DISC1: variants seen among roughly 807,000 people sequenced by gnomAD.
DISC1 encodes the protein disrupted in schizophrenia 1 protein.
Under a neutral mutation model 84.5 loss-of-function variants are expected in DISC1, and 57 were observed. The ratio of observed to expected loss-of-function variants is 0.67; its 90% CI spans 0.55 to 0.84. The LOEUF is 0.84. Ranked by LOEUF, DISC1 falls within the 40% of genes least tolerant of loss-of-function variation. DISC1 has a pLI of 0.00. For missense variants in DISC1, 1,000 were observed against 1,057.8 expected, an observed-to-expected ratio of 0.95 and a Z score of 0.76; for synonymous variants, 411 against 415.2, an observed-to-expected ratio of 0.99 and a Z score of 0.12.
At chr1:231,748,535 T>C (rs1276386865) in intron 3 of DISC1, among the ~76,000 whole-genome samples, 1 of 152,228 alleles carries the variant, frequency 6.6e-6, no homozygotes, top group African/African-American at 2.4e-5. Context: ...ATGAGATGTA[T>C]GATGTTTATT....
intron 1 of DISC1, among the ~76,000 whole-genome samples, chr1:231,645,931 C>T (rs1002279564): frequency 2.0e-5 from 3 of 150,214 alleles, no homozygotes; most frequent in African/African-American, 7.4e-5. Flanking sequence ...ACAATACTCA[C>T]TTTCAACAAT....
rs147244736 is a variant in DISC1, at chr1:231,698,421, T to A, written c.1048-3534T>A. Among the ~76,000 whole-genome samples, 53 of 152,060 alleles carry A rather than the reference T, an allele frequency of 3.5e-4. 1 individual carries two copies. The East Asian group carries it at 9.7e-3, about 28-fold the overall frequency. On this transcript the variant is annotated intron_variant, in intron 2 of 12. Coordinates refer to ENST00000439617, the MANE Select transcript of DISC1 (RefSeq NM_018662.3). This position sits in a 1 kb window ranked among gnomAD's most constrained non-coding sequence, Gnocchi z 4.9. ...GACCAGGCATGCAGAGGAGGGGAAG[T>A]GGAGTGGGCCCTGCAAGGTAGGCTC...
intron 12 of DISC1, among the ~76,000 whole-genome samples, chr1:232,027,648 T>C (rs1434808004): frequency 3.3e-5 from 5 of 152,250 alleles, no homozygotes; most frequent in Non-Finnish European, 5.9e-5. Context: ...CTTCTCTAGC[T>C]AAAAACACTT....
In DISC1 at chr1:231,904,551, T is replaced by C. The variant is rs140680584; in HGVS notation, c.1982-54277T>C. Among the ~76,000 whole-genome samples, 231 of 152,282 alleles carry C rather than the reference T, an allele frequency of 1.5e-3. 1 individual carries two copies. Among genetic ancestry groups the C allele is most frequent in the African/African-American group, 5.2e-3 (217 of 41,562 alleles). On this transcript the variant is annotated intron_variant, in intron 9 of 12. Coordinates refer to ENST00000439617, the MANE Select transcript of DISC1 (RefSeq NM_018662.3). Reference sequence around the variant, plus strand: ...TAAAACTGGAGTATTGCTGTGAACCTAAATACACAGATAGATACAGGAATA... The same window carrying C: ...TAAAACTGGAGTATTGCTGTGAACCCAAATACACAGATAGATACAGGAATA...
At chr1:231,994,015 G>A (rs969712711) in intron 10 of DISC1, among the ~76,000 whole-genome samples, 3 of 152,226 alleles carry the variant, frequency 2.0e-5, no homozygotes, top group Non-Finnish European at 4.4e-5. Flanking sequence ...ACAGGAAAGG[G>A]AAGTATGTTA....
At chr1:232,016,102 C>G (rs1490853016) in intron 11 of DISC1, among the ~76,000 whole-genome samples, 1 of 152,194 alleles carries the variant, frequency 6.6e-6, no homozygotes, top group Non-Finnish European at 1.5e-5. Flanking sequence ...AGCAAGCTCT[C>G]ACTTGGAAGG....
intron 1 of DISC1, among the ~76,000 whole-genome samples, chr1:231,653,125 A>G (rs1475733617): frequency 3.3e-5 from 5 of 152,228 alleles, no homozygotes; most frequent in South Asian, 4.1e-4. Flanking sequence ...TTACTCATCC[A>G]GTTACATTAA....
chr1:231,984,335 G>C (rs1448416720), intron 10 of DISC1, among the ~76,000 whole-genome samples: 1 of 152,126 alleles, frequency 6.6e-6, no homozygotes, highest in African/African-American at 2.4e-5. Flanking sequence ...GGATGATTGA[G>C]GTAATTAGAA....
At chr1:231,861,784 A>G (rs1216213838) in intron 9 of DISC1, among the ~76,000 whole-genome samples, 2 of 152,090 alleles carry the variant, frequency 1.3e-5, no homozygotes, top group Non-Finnish European at 2.9e-5. Context: ...TGCTCATTCA[A>G]TGAATGTTTT....
At position 231,802,140 on chromosome 1, in the gene DISC1, C is replaced by T. The variant is rs557911788; in HGVS notation, c.1792+1930C>T. 4.9e-4 allele frequency among the ~76,000 whole-genome samples: 74 copies of T among 152,052 alleles called. 1 individual carries two copies. Among genetic ancestry groups the T allele is most frequent in the Non-Finnish European group, 7.9e-4 (54 of 67,990 alleles). ...TGTCTCTCTTCAAGTTTCTATGATT[C>T]GCTTAGATTTATAGACTGATTGATA... On this transcript the variant is annotated intron_variant, in intron 8 of 12. Coordinates refer to ENST00000439617, the MANE Select transcript of DISC1 (RefSeq NM_018662.3).
At chr1:231,814,018 C>T (rs563770473) in intron 8 of DISC1, among the ~76,000 whole-genome samples, 19 of 152,202 alleles carry the variant, frequency 1.2e-4, no homozygotes, top group African/African-American at 4.3e-4. Flanking sequence ...GGGTCTTTAT[C>T]CAATCATGGC....
At position 231,729,002 on chromosome 1, in the gene DISC1, C is replaced by T. The variant is rs190530131; in HGVS notation, c.1118-20924C>T. ...ATGCTATCCCTCCCCCTCCCCCAAC[C>T]CCAAAACAGGCCTGGTGTGTGATGT... On this transcript the variant is annotated intron_variant, in intron 3 of 12. Transcript: ENST00000439617. 2.7e-4 allele frequency among the ~76,000 whole-genome samples: 41 copies of T among 152,240 alleles called. 1 individual carries two copies. The highest frequency in any genetic ancestry group is 1.2e-3 in the South Asian group (6 of 4,818).
chr1:231,808,066 A>G (rs1383413861), intron 8 of DISC1, among the ~76,000 whole-genome samples: 2 of 152,152 alleles, frequency 1.3e-5, no homozygotes, highest in Non-Finnish European at 2.9e-5. Context: ...GTTTTAGAGA[A>G]GCTCTAAATT....
In DISC1 at chr1:231,703,335, C is replaced by T. The variant is rs141481735; in HGVS notation, c.1117+1311C>T. 4.2e-3 allele frequency among the ~76,000 whole-genome samples: 634 copies of T among 152,232 alleles called. 4 individuals are homozygous for T. Among genetic ancestry groups the T allele is most frequent in the African/African-American group, 0.015 (608 of 41,538 alleles). On this transcript the variant is annotated intron_variant, in intron 3 of 12. Transcript: ENST00000439617. The stretch of plus-strand genomic sequence containing the variant: ...GCAAGTCGGAGGCAGGGGAAGGCAC[C>T]CCTCAAGCCCAGCGTCAGTGGCTTC...
chr1:231,969,205 T>C (rs1369222339), intron 10 of DISC1, among the ~76,000 whole-genome samples: 2 of 149,614 alleles, frequency 1.3e-5, no homozygotes, highest in Non-Finnish European at 3.0e-5. Flanking sequence ...TTTTTTTTTT[T>C]TTTTTTGCTG....
At position 231,725,515 on chromosome 1, in the gene DISC1, C is replaced by T. The variant is rs190074615; in HGVS notation, c.1117+23491C>T. ...CCCCTCAATTTGCACTAGCTCACCC[C>T]TTAATTTGCCTGTAATTGAAAGTGG... On this transcript the variant is annotated intron_variant, in intron 3 of 12. Coordinates refer to ENST00000439617, the MANE Select transcript of DISC1 (RefSeq NM_018662.3). Among the ~76,000 whole-genome samples the T allele has an allele frequency of 4.6e-5, 7 of 152,310 alleles. No homozygotes were observed. In the East Asian group the frequency reaches 1.4e-3, roughly 29 times the overall value.
intron 9 of DISC1, among the ~76,000 whole-genome samples, chr1:231,930,275 G>A (rs12125581): frequency 0.17 from 25,314 of 152,042 alleles, 2,314 homozygotes; most frequent in Non-Finnish European, 0.21. Context: ...GCTCAGGGAC[G>A]CACACGGAGT....
intron 9 of DISC1, among the ~76,000 whole-genome samples, chr1:231,904,061 G>A (rs1432420493): frequency 6.6e-6 from 1 of 152,184 alleles, no homozygotes; most frequent in Non-Finnish European, 1.5e-5. Context: ...TCAAGGTTAA[G>A]TAGCCTGGAA....
chr1:231,756,440 A>G lies in DISC1; in HGVS notation c.1268+6364A>G, dbSNP rs114351096. ...GTGTCTGGCCCATAATCTGTATTCTATATTCATTGAATGTGTGAATGTGAC... is the reference window on the plus strand; with the variant it reads ...GTGTCTGGCCCATAATCTGTATTCTGTATTCATTGAATGTGTGAATGTGAC... On this transcript the variant is annotated intron_variant, in intron 4 of 12. Coordinates refer to ENST00000439617, the MANE Select transcript of DISC1 (RefSeq NM_018662.3). Among the ~76,000 whole-genome samples, 1,285 of 152,144 alleles carry G rather than the reference A, an allele frequency of 8.4e-3. 15 individuals are homozygous for G. Among genetic ancestry groups the G allele is most frequent in the African/African-American group, 0.029 (1,187 of 41,470 alleles).
Sources: allele counts gnomAD v4.1 joint callset (sites outside exome capture counted in the v4.1 genomes callset), GRCh38; gene constraint gnomAD v4.1.1; non-coding constraint Gnocchi (gnomAD v3.1); transcripts MANE v1.5; gene names NCBI Gene and HGNC (gene_info 2026-07-23, HGNC 2026-07-21).